The following DPP6 variants were observed in gnomAD, a reference collection of about 807,000 sequenced individuals.
DPP6 encodes A-type potassium channel modulatory protein DPP6.
DPP6 carries 69 observed loss-of-function variants against 122.6 expected under a neutral mutation model. The ratio of observed to expected loss-of-function variants is 0.56; its 90% CI spans 0.46 to 0.69. The LOEUF (loss-of-function observed/expected upper bound fraction) is 0.69. Ranked by LOEUF, DPP6 falls within the 30% of genes least tolerant of loss-of-function variation. The pLI is 0.00. For missense variants in DPP6, 928 were observed against 1,116.9 expected, an observed-to-expected ratio of 0.83 and a Z score of 2.41; for synonymous variants, 418 against 433.1, an observed-to-expected ratio of 0.97 and a Z score of 0.43.
chr7:153,892,645 G>GGGTACT (rs1311680459), intron 1 of DPP6, among the ~76,000 whole-genome samples: 47 of 152,284 alleles, frequency 3.1e-4, no homozygotes, highest in African/African-American at 1.1e-3. Flanking sequence ...ATTTCTAGGA[G>GGGTACT]TGTGGCCTTC....
chr7:153,978,917 T>C (rs1796441569), intron 1 of DPP6, among the ~76,000 whole-genome samples: 1 of 152,112 alleles, frequency 6.6e-6, no homozygotes, highest in Non-Finnish European at 1.5e-5. Flanking sequence ...ATATCTGTTT[T>C]GGTAACAGTA....
chr7:154,334,231 T>C (rs916427259), intron 1 of DPP6, among the ~76,000 whole-genome samples: 1 of 151,832 alleles, frequency 6.6e-6, no homozygotes, highest in Non-Finnish European at 1.5e-5. Context: ...TTTTGAGTGC[T>C]AGCTTTTCCT....
intron 1 of DPP6, among the ~76,000 whole-genome samples, chr7:154,312,729 G>A (rs7805936): frequency 6.6e-6 from 1 of 152,050 alleles, no homozygotes; most frequent in Non-Finnish European, 1.5e-5. Context: ...AGTCCATCTT[G>A]TGGACATGCT....
intron 13 of DPP6, among the ~76,000 whole-genome samples, chr7:154,802,622 G>C (rs1035665226): frequency 2.6e-5 from 4 of 152,176 alleles, no homozygotes; most frequent in African/African-American, 9.7e-5. Context: ...ACTTTGGGAG[G>C]CCAAGGCAGG....
chr7:154,036,515 A>G (rs1393110466), intron 1 of DPP6, among the ~76,000 whole-genome samples: 1 of 150,772 alleles, frequency 6.6e-6, no homozygotes, highest in Non-Finnish European at 1.5e-5. Context: ...TTGTTGTACC[A>G]TTTGTGAAGC....
At chr7:154,857,150 T>C (rs1802912718) in intron 17 of DPP6, among the ~76,000 whole-genome samples, 1 of 152,184 alleles carries the variant, frequency 6.6e-6, no homozygotes, top group Admixed American at 6.5e-5. Context: ...TTCAGGATGG[T>C]AACTTAAGCT....
At chr7:154,667,411 G>A (rs897176629) in intron 6 of DPP6, among the ~76,000 whole-genome samples, 1 of 152,138 alleles carries the variant, frequency 6.6e-6, no homozygotes, top group African/African-American at 2.4e-5. Flanking sequence ...CTATGCTTAT[G>A]AGAATACTTT....
intron 17 of DPP6, among the ~76,000 whole-genome samples, chr7:154,860,623 C>T (rs978121488): frequency 3.3e-5 from 5 of 152,222 alleles, no homozygotes; most frequent in African/African-American, 7.2e-5. Context: ...GCTGGGGTGG[C>T]GAAGCATCAT....
chr7:154,380,088 T>G (rs1415720146), intron 1 of DPP6, among the ~76,000 whole-genome samples: 2 of 152,094 alleles, frequency 1.3e-5, no homozygotes, highest in African/African-American at 4.8e-5. Context: ...GAGAATATAC[T>G]AAATTGAAAA....
chr7:154,346,902 C>T (rs2151071953), intron 1 of DPP6, among the ~76,000 whole-genome samples: 1 of 152,264 alleles, frequency 6.6e-6, no homozygotes, highest in Middle Eastern at 3.4e-3. Context: ...TGAACTTTCG[C>T]CCAGAGTATA....
intron 10 of DPP6, among the ~76,000 whole-genome samples, chr7:154,789,445 G>A (rs1426816890): frequency 1.3e-5 from 2 of 152,212 alleles, no homozygotes; most frequent in African/African-American, 2.4e-5. Context: ...GGCTGGGGCT[G>A]CCCTGTTCCC....
rs958617102 is a variant in DPP6 at position 154,877,594 on chromosome 7, G to A, written c.2078+1494G>A. Among the ~76,000 whole-genome samples the A allele has an allele frequency of 5.9e-5, 9 of 152,148 alleles. No individual in the cohort carries two copies. The highest frequency in any genetic ancestry group is 1.2e-4 in the African/African-American group (5 of 41,442). ...CATCCTAAGCCGAGCCCTCAGTCAC[G>A]GGGTGGCCCTCAGTAGCACCTGGCT... On this transcript the variant is annotated intron_variant, in intron 20 of 25. Transcript: ENST00000377770. This position sits in a 1 kb window ranked among gnomAD's most constrained non-coding sequence, Gnocchi z 5.2.
chr7:154,658,772 T>C (rs1837433459), intron 6 of DPP6, among the ~76,000 whole-genome samples: 1 of 152,128 alleles, frequency 6.6e-6, no homozygotes, highest in Non-Finnish European at 1.5e-5. Context: ...AAGATTGGAA[T>C]TGGCATTGAG....
At chr7:154,138,841 A>G (rs1381689293) in intron 1 of DPP6, among the ~76,000 whole-genome samples, 1 of 152,146 alleles carries the variant, frequency 6.6e-6, no homozygotes, top group Non-Finnish European at 1.5e-5. Context: ...CATTCAGGCC[A>G]TCAGATGACC....
At chr7:154,075,056 C>T (rs188638872) in intron 1 of DPP6, among the ~76,000 whole-genome samples, 77 of 151,824 alleles carry the variant, frequency 5.1e-4, no homozygotes, top group African/African-American at 1.8e-3. Flanking sequence ...TGAAAAAATG[C>T]TCAACCTCAG....
chr7:154,053,601 C>T (rs931123119), intron 1 of DPP6, among the ~76,000 whole-genome samples: 1 of 151,690 alleles, frequency 6.6e-6, no homozygotes, highest in African/African-American at 2.4e-5. Context: ...GACACTTTTT[C>T]CCCCCAGCGG....
At chr7:154,683,862 A>G (rs1839434736) in intron 7 of DPP6, among the ~76,000 whole-genome samples, 1 of 151,812 alleles carries the variant, frequency 6.6e-6, no homozygotes, top group East Asian at 1.9e-4. Context: ...TCCAGAACAC[A>G]CTCTTTTTTT....
chr7:154,819,013 A>G (rs1799595564), intron 16 of DPP6, among the ~76,000 whole-genome samples: 1 of 152,176 alleles, frequency 6.6e-6, no homozygotes, highest in Non-Finnish European at 1.5e-5. Context: ...TTGCCACTCA[A>G]CACCTTTCCC....
chr7:154,085,006 A>AC (rs1410953007), intron 1 of DPP6, among the ~76,000 whole-genome samples: 12 of 151,718 alleles, frequency 7.9e-5, no homozygotes, highest in African/African-American at 2.9e-4. Flanking sequence ...AAAAAAAAAA[A>AC]AAAAACAGGT....
Sources: allele counts gnomAD v4.1 joint callset (sites outside exome capture counted in the v4.1 genomes callset), GRCh38; gene constraint gnomAD v4.1.1; non-coding constraint Gnocchi (gnomAD v3.1); transcripts MANE v1.5; gene names NCBI Gene and HGNC (gene_info 2026-07-23, HGNC 2026-07-21).